Variants in GTF3C2 observed in about 807,000 individuals in gnomAD.
The protein encoded by GTF3C2 is general transcription factor IIIC subunit 2.
In GTF3C2, 17 loss-of-function variants were observed where a neutral mutation model predicts 117.4. That is an observed-to-expected ratio of 0.14 (90% CI 0.10 to 0.22). The LOEUF is 0.22. Ranked by LOEUF, GTF3C2 falls within the 10% of genes least tolerant of loss-of-function variation. GTF3C2 has a pLI of 1.00. For missense variants in GTF3C2, 888 were observed against 1,143.6 expected (o/e 0.78, Z 3.22); for synonymous variants, 437 against 427.0 (o/e 1.02, Z -0.29).
chr2:27,328,584 A>T, exon 16 of GTF3C2: 1 of 1,611,544 alleles, frequency 6.2e-7, no homozygotes, highest in Non-Finnish European at 8.5e-7. Flanking sequence ...AGCCAGTCGG[A>T]TCCTGAAAGA....
chr2:27,348,121 A>AG (rs1480186349), intron 1 of GTF3C2, among the ~76,000 whole-genome samples: 1 of 152,184 alleles, frequency 6.6e-6, no homozygotes, highest in African/African-American at 2.4e-5. Context: ...TACAAACATT[A>AG]GCTGGGTGTG....
intron 10 of GTF3C2, among the ~76,000 whole-genome samples, chr2:27,334,952 A>C (rs1266791811): frequency 2.0e-5 from 3 of 152,142 alleles, no homozygotes. Flanking sequence ...CCCCACAGCC[A>C]AACTTCTTGA....
At chr2:27,338,943 C>T (rs915974630) in intron 4 of GTF3C2, among the ~76,000 whole-genome samples, 21 of 152,158 alleles carry the variant, frequency 1.4e-4, no homozygotes, top group Admixed American at 5.2e-4. Flanking sequence ...GCTTGAAGTA[C>T]AAATGCATAC....
In GTF3C2 at chr2:27,341,048, GTTTTT is replaced by G. The variant is rs746449986; in HGVS notation, c.855+895_855+899del. On this transcript the variant is annotated intron_variant, in intron 4 of 18. Coordinates refer to ENST00000264720, the Ensembl canonical transcript of GTF3C2. Reference sequence around the variant, plus strand: ...TGTGTGTTTTGTTTTGTTTTGTTTTGTTTTTGAGATGGAGTCTCACTGTCTCACCC... The same window carrying G: ...TGTGTGTTTTGTTTTGTTTTGTTTTGGAGATGGAGTCTCACTGTCTCACCC... 2.7e-4 allele frequency among the ~76,000 whole-genome samples: 41 copies of G among 150,970 alleles called. No individual in the cohort carries two copies. In the Middle Eastern group the frequency reaches 0.01, roughly 38 times the overall value.
intron 12 of GTF3C2, 73 bp downstream of exon 12, chr2:27,333,582 A>C (rs1384607398): frequency 8.7e-6 from 9 of 1,029,242 alleles, no homozygotes; most frequent in East Asian, 7.1e-5. Context: ...CACCAAAGAA[A>C]GAACCAAAAA....
intron 1 of GTF3C2, among the ~76,000 whole-genome samples, chr2:27,344,040 T>A (rs544896678): frequency 3.4e-4 from 51 of 151,290 alleles, no homozygotes; most frequent in African/African-American, 1.2e-3. Flanking sequence ...TTTTTTTTTT[T>A]AAAGACGGAG....
chr2:27,335,809 C>T (rs997305555), intron 9 of GTF3C2, 103 bp from the exon 10 acceptor site: 2 of 1,062,964 alleles, frequency 1.9e-6, no homozygotes, highest in African/African-American at 3.1e-5. Context: ...GCTGGAAAAA[C>T]TCCATCCACT....
At chr2:27,337,198 T>G in intron 7 of GTF3C2, 46 bp downstream of exon 7, 2 of 1,134,114 alleles carry the variant, frequency 1.8e-6, no homozygotes, top group Non-Finnish European at 2.6e-6. Flanking sequence ...TTTTTCTTGT[T>G]TCTGGCTCCT....
intron 4 of GTF3C2, chr2:27,338,404 C>A: frequency 7.9e-6 from 2 of 253,590 alleles, no homozygotes; most frequent in South Asian, 1.0e-4. Flanking sequence ...TGATGGTATT[C>A]CCCAGAGTTC....
At chr2:27,353,088 A>G (rs1445957467) in intron 1 of GTF3C2, among the ~76,000 whole-genome samples, 2 of 152,116 alleles carry the variant, frequency 1.3e-5, no homozygotes, top group East Asian at 3.9e-4. Context: ...ACTTCATATA[A>G]AATACTATAA....
At chr2:27,351,712 A>T (rs1000976333) in intron 1 of GTF3C2, among the ~76,000 whole-genome samples, 2 of 152,164 alleles carry the variant, frequency 1.3e-5, no homozygotes, top group Non-Finnish European at 2.9e-5. Flanking sequence ...TCATATTCAG[A>T]ATCTTGGATG....
chr2:27,337,451 C>T, intron 6 of GTF3C2, 30 bp downstream of exon 6: 1 of 1,546,134 alleles, frequency 6.5e-7, no homozygotes, highest in Non-Finnish European at 8.9e-7. Context: ...GTCACCCTTC[C>T]TAAGCTACAG....
At chr2:27,326,601 G>C (rs765321012) in exon 19 of GTF3C2, 40 of 1,137,978 alleles carry the variant, frequency 3.5e-5, no homozygotes, top group Admixed American at 1.3e-4. Context: ...AAGGCCCCCA[G>C]TTCCTATGGC....
At chr2:27,334,274 A>G (rs1245052722) in intron 10 of GTF3C2, among the ~76,000 whole-genome samples, 1 of 151,916 alleles carries the variant, frequency 6.6e-6, no homozygotes, top group African/African-American at 2.4e-5. Flanking sequence ...TCCTTTGAAT[A>G]ATGACATTCC....
chr2:27,346,330 C>CTTTTTTTTT (rs144256545), intron 1 of GTF3C2, among the ~76,000 whole-genome samples: 4 of 64,302 alleles, frequency 6.2e-5, no homozygotes, highest in African/African-American at 1.2e-4. Context: ...ATTCTGATAC[C>CTTTTTTTTT]TTTTTTTTTT....
chr2:27,332,759 A>G (rs1484897890), intron 12 of GTF3C2, among the ~76,000 whole-genome samples: 1 of 150,960 alleles, frequency 6.6e-6, no homozygotes, highest in Non-Finnish European at 1.5e-5. Flanking sequence ...CTCTGTTGCC[A>G]GGCTGGAGTG....
chr2:27,335,502 G>C (rs1680432295), intron 10 of GTF3C2, 96 bp downstream of exon 10: 5 of 745,498 alleles, frequency 6.7e-6, no homozygotes, highest in Non-Finnish European at 1.2e-5. Context: ...TGTGCTAAGA[G>C]AGACTGGCCC....
rs894418418 is a variant in GTF3C2 at position 27,338,310 on chromosome 2, C to T, written c.856-290G>A. 4 of 381,682 alleles carry T rather than the reference C, an allele frequency of 1.0e-5. No homozygotes were observed. In the Admixed American group the frequency reaches 1.2e-4, roughly 11 times the overall value. The allele number at this position is 381,682 out of a possible 1,614,324, so 23.6% of individuals were successfully genotyped here. A position where few individuals can be genotyped will look rare whatever the true frequency, so the allele number is the denominator to read the frequency against. On this transcript the variant is annotated intron_variant, in intron 4 of 18. Transcript: ENST00000264720. ...TTCCCTTATGCCTCTTTGAAACTCC[C>T]GCCCTATGGAATAGTCTCCCTTACT...
chr2:27,341,622 A>G (rs1042228308), intron 4 of GTF3C2: 10 of 232,370 alleles, frequency 4.3e-5, no homozygotes, highest in African/African-American at 2.2e-4. Context: ...CCTTTCCTTT[A>G]TATGCCTAAA....
Sources: gnomAD v4.1 joint callset for allele counts (sites outside exome capture counted in the v4.1 genomes callset) on GRCh38, gnomAD v4.1.1 for gene constraint, MANE v1.5 for transcripts, NCBI Gene and HGNC (gene_info 2026-07-23, HGNC 2026-07-21) for gene names.